The following PACRG variants were observed in gnomAD, a reference collection of about 807,000 sequenced individuals.
PACRG encodes parkin coregulated gene protein.
PACRG carries 29 observed loss-of-function variants against 29.7 expected under a neutral mutation model. The ratio of observed to expected loss-of-function variants is 0.98; its 90% CI spans 0.73 to 1.33. The LOEUF is 1.33. PACRG is among the 40% of genes most tolerant of loss of function. The pLI, the probability that PACRG is intolerant of heterozygous loss-of-function variation, is 0.00. For missense variants in PACRG, 279 were observed against 316.2 expected (o/e 0.88, Z 0.89); for synonymous variants, 116 against 118.7 (o/e 0.98, Z 0.15).
intron 4 of PACRG, among the ~76,000 whole-genome samples, chr6:163,125,084 A>T (rs1392975872): frequency 6.6e-6 from 1 of 152,248 alleles, no homozygotes; most frequent in Non-Finnish European, 1.5e-5. Flanking sequence ...AGCGTTCAGA[A>T]AAAACTCCAA....
chr6:162,804,769 T>C (rs977172918), intron 1 of PACRG, among the ~76,000 whole-genome samples: 26 of 152,088 alleles, frequency 1.7e-4, no homozygotes, highest in African/African-American at 6.0e-4. Flanking sequence ...TTGTTGCCTA[T>C]AGTGCCTTAT....
rs188997430 is a variant in PACRG, at chr6:162,844,569, G to C, written c.291+30288G>C. On this transcript the variant is annotated intron_variant, in intron 2 of 4. Coordinates refer to ENST00000366888, the MANE Select transcript of PACRG (RefSeq NM_001080379.2). ...ATCACCCGTCTTCTGCGTCGCTCAC[G>C]CTGGGAGCTGTAGACCGGAGCTGTT... 1.7e-3 allele frequency among the ~76,000 whole-genome samples: 254 copies of C among 152,354 alleles called. 1 individual carries two copies. The highest frequency in any genetic ancestry group is 0.012 in the Admixed American group (182 of 15,308).
chr6:162,828,753 TA>T (rs1169128406), intron 2 of PACRG, among the ~76,000 whole-genome samples: 1 of 151,696 alleles, frequency 6.6e-6, no homozygotes, highest in East Asian at 1.9e-4. Flanking sequence ...TTTTTAAAAA[TA>T]AGAGTCCTAA....
At chr6:163,284,690 C>T (rs542291507) in intron 4 of PACRG, among the ~76,000 whole-genome samples, 7 of 152,058 alleles carry the variant, frequency 4.6e-5, no homozygotes, top group Non-Finnish European at 7.4e-5. Context: ...TGTCCAGAGC[C>T]GCCCCCAACC....
intron 4 of PACRG, among the ~76,000 whole-genome samples, chr6:163,283,597 G>A (rs1036545711): frequency 6.0e-5 from 9 of 149,032 alleles, no homozygotes; most frequent in South Asian, 4.3e-4. Context: ...TCAGGAGATC[G>A]AGACCATCCT....
At chr6:162,829,342 G>A (rs1788545064) in intron 2 of PACRG, among the ~76,000 whole-genome samples, 1 of 152,220 alleles carries the variant, frequency 6.6e-6, no homozygotes, top group African/African-American at 2.4e-5. Flanking sequence ...AAAAGTTTCT[G>A]CTATGGCAGT....
chr6:162,844,392 G>A (rs578065513), intron 2 of PACRG, among the ~76,000 whole-genome samples: 5 of 152,320 alleles, frequency 3.3e-5, no homozygotes, highest in South Asian at 2.1e-4. Flanking sequence ...CTCTGACTCC[G>A]AAGGGGAACT....
At chr6:163,300,106 ATC>A (rs1784930595) in intron 4 of PACRG, among the ~76,000 whole-genome samples, 3 of 152,202 alleles carry the variant, frequency 2.0e-5, no homozygotes, top group Admixed American at 6.5e-5. Flanking sequence ...AAGCCAGAAA[ATC>A]AGTTGAGCCC....
In PACRG at chr6:163,280,681, A is replaced by T. The variant is rs1784198115; in HGVS notation, c.614-34146A>T. Among the ~76,000 whole-genome samples, 4 of 152,292 alleles carry T rather than the reference A, an allele frequency of 2.6e-5. No homozygotes were observed. In the South Asian group the frequency reaches 8.3e-4, roughly 32 times the overall value. Reference sequence around the variant, plus strand: ...GGGGAGGGCTCTTTTCCTGGCTTGCAGGTGACCACCTTCTCACTGTGCACT... The same window carrying T: ...GGGGAGGGCTCTTTTCCTGGCTTGCTGGTGACCACCTTCTCACTGTGCACT... On this transcript the variant is annotated intron_variant, in intron 4 of 4. Coordinates refer to ENST00000366888, the MANE Select transcript of PACRG (RefSeq NM_001080379.2).
intron 4 of PACRG, among the ~76,000 whole-genome samples, chr6:163,102,916 G>A (rs1211256861): frequency 2.6e-5 from 4 of 152,224 alleles, no homozygotes; most frequent in African/African-American, 9.6e-5. Flanking sequence ...GTTACTAAAT[G>A]TAAATTCCAT....
chr6:163,062,099 C>A, intron 2 of PACRG, 51 bp from the exon 3 acceptor site: 1 of 1,588,272 alleles, frequency 6.3e-7, no homozygotes, highest in Admixed American at 1.7e-5. Flanking sequence ...GTCTGCCGTG[C>A]TCTGCCCGAA....
chr6:162,977,854 A>G (rs1017438129), intron 2 of PACRG, among the ~76,000 whole-genome samples: 5 of 152,166 alleles, frequency 3.3e-5, no homozygotes, highest in African/African-American at 1.2e-4. Context: ...ATGTATAAAG[A>G]TGTTTATGGC....
Position 162,803,077 on chromosome 6 carries a change from C to T in PACRG, c.157-11070C>T, listed in dbSNP as rs1184959291. 2.6e-5 allele frequency among the ~76,000 whole-genome samples: 4 copies of T among 152,104 alleles called. No homozygotes were observed. The East Asian group carries it at 5.8e-4, about 22-fold the overall frequency. ...CAGATGTCCAGTTGTTCAGTGACCC[C>T]CCAAGTTGTTTACCCCACAGGTATT... On this transcript the variant is annotated intron_variant, in intron 1 of 4. Transcript: ENST00000366888.
intron 1 of PACRG, among the ~76,000 whole-genome samples, chr6:162,729,912 A>G (rs1288006510): frequency 6.6e-6 from 1 of 152,132 alleles, no homozygotes; most frequent in Non-Finnish European, 1.5e-5. Flanking sequence ...CTTCTTTATA[A>G]ACAACTTAAT....
At chr6:162,830,058 G>A (rs1021741892) in intron 2 of PACRG, among the ~76,000 whole-genome samples, 2 of 152,138 alleles carry the variant, frequency 1.3e-5, no homozygotes, top group African/African-American at 4.8e-5. Flanking sequence ...TGCTGTCATG[G>A]TTCAGAGCTG....
chr6:163,273,993 T>C (rs1056165382), intron 4 of PACRG, among the ~76,000 whole-genome samples: 3 of 152,356 alleles, frequency 2.0e-5, no homozygotes, highest in South Asian at 2.1e-4. Flanking sequence ...ACTTCTGATA[T>C]GCAGTATCTT....
At chr6:163,210,120 T>A (rs974847697) in intron 4 of PACRG, among the ~76,000 whole-genome samples, 1 of 152,200 alleles carries the variant, frequency 6.6e-6, no homozygotes, top group African/African-American at 2.4e-5. Context: ...CACATACTTT[T>A]AAAAATCTTA....
rs745983141 is a variant in PACRG at position 162,814,205 on chromosome 6, T to C, written c.215T>C (p.Phe72Ser). 3 of 1,613,924 alleles carry C rather than the reference T, an allele frequency of 1.9e-6. No individual in the cohort carries two copies. The highest frequency in any genetic ancestry group is 2.5e-6 in the Non-Finnish European group (3 of 1,179,904). ...GAAAGACCAACCAAGCCCACAGCAT[T>C]TCGAAAATTCTATGAGCGAGGTGAC... ...FKERPTKPTA[F>S]RKFYERGDFP... Residue 72 changes from phenylalanine (F) to serine (S), a missense_variant, in exon 2 of 5, where the codon TTT becomes TCT. Physicochemically the swap from Phe to Ser is radical, Grantham distance 155 (BLOSUM62 -2). Coordinates refer to ENST00000366888, the MANE Select transcript of PACRG (RefSeq NM_001080379.2).
At chr6:163,118,117 A>G (rs1036765476) in intron 4 of PACRG, among the ~76,000 whole-genome samples, 1 of 152,212 alleles carries the variant, frequency 6.6e-6, no homozygotes, top group Admixed American at 6.5e-5. Context: ...CGAGGTGAAA[A>G]CAGGAATTAT....
Sources: allele counts gnomAD v4.1 joint callset (sites outside exome capture counted in the v4.1 genomes callset), GRCh38; gene constraint gnomAD v4.1.1; transcripts MANE v1.5; gene names NCBI Gene and HGNC (gene_info 2026-07-23, HGNC 2026-07-21).